The following UNC13C variants were observed in gnomAD, a reference collection of about 807,000 sequenced individuals.
The protein encoded by UNC13C is protein unc-13 homolog C.
Under a neutral mutation model 245.4 loss-of-function variants are expected in UNC13C, and 174 were observed. The observed-to-expected ratio is 0.71, with a 90% CI of 0.63 to 0.80. The LOEUF (loss-of-function observed/expected upper bound fraction) is 0.80. Among genes scored for constraint, UNC13C ranks in the 30% least tolerant of loss-of-function variants. The pLI is 0.00. For missense variants in UNC13C, 2,829 were observed against 2,602.9 expected, an observed-to-expected ratio of 1.09 and a Z score of -1.89; for synonymous variants, 992 against 895.1, an observed-to-expected ratio of 1.11 and a Z score of -1.93.
intron 2 of UNC13C, among the ~76,000 whole-genome samples, chr15:54,134,466 A>C (rs1004240627): frequency 1.3e-5 from 2 of 152,010 alleles, no homozygotes; most frequent in Non-Finnish European, 2.9e-5. Context: ...ACATATATAC[A>C]CATAACATTG....
intron 17 of UNC13C, among the ~76,000 whole-genome samples, chr15:54,371,757 G>C (rs2039492083): frequency 6.6e-6 from 1 of 151,622 alleles, no homozygotes; most frequent in Admixed American, 6.6e-5. Flanking sequence ...GAATACTATT[G>C]AGCCTTAAAA....
At chr15:53,960,593 T>C in the UNC13C span, among the ~76,000 whole-genome samples, 1 of 152,152 alleles carries the variant, frequency 6.6e-6, no homozygotes, top group African/African-American at 2.4e-5. Context: ...CAACACAAAG[T>C]AAGAATGTGA....
intron 28 of UNC13C, 125 bp downstream of exon 28, chr15:54,549,816 C>A: frequency 1.6e-6 from 1 of 616,488 alleles, no homozygotes; most frequent in Non-Finnish European, 2.8e-6. Context: ...TGTGATTTCA[C>A]AATCTGCTTT....
intron 4 of UNC13C, among the ~76,000 whole-genome samples, chr15:54,153,690 A>T (rs1343235829): frequency 8.5e-5 from 13 of 152,086 alleles, no homozygotes; most frequent in Admixed American, 8.5e-4. Flanking sequence ...TGGTCTGAAA[A>T]GATTTCTAAG....
At chr15:54,525,470 T>C (rs959650676) in intron 24 of UNC13C, 79 bp from the exon 25 acceptor site, 9 of 931,868 alleles carry the variant, frequency 9.7e-6, no homozygotes, top group African/African-American at 1.7e-5. Context: ...TACCATATAA[T>C]AATCAAAATG....
intron 1 of UNC13C, among the ~76,000 whole-genome samples, chr15:53,989,815 C>A (rs1353004102): frequency 6.6e-6 from 1 of 151,988 alleles, no homozygotes; most frequent in East Asian, 1.9e-4. Flanking sequence ...ACTCTGACAG[C>A]TGCTTTAAAA....
chr15:54,091,962 A>G (rs1168535417), intron 2 of UNC13C, among the ~76,000 whole-genome samples: 1 of 152,206 alleles, frequency 6.6e-6, no homozygotes, highest in Non-Finnish European at 1.5e-5. Flanking sequence ...ACATGAAAAC[A>G]GTTACTCACA....
chr15:53,928,205 C>T, the UNC13C span, among the ~76,000 whole-genome samples: 1 of 152,150 alleles, frequency 6.6e-6, no homozygotes, highest in Non-Finnish European at 1.5e-5. Flanking sequence ...GATATACCCA[C>T]ATATTTATTA....
intron 2 of UNC13C, among the ~76,000 whole-genome samples, chr15:54,082,735 G>A (rs959325124): frequency 4.6e-5 from 7 of 152,018 alleles, no homozygotes; most frequent in African/African-American, 1.7e-4. Context: ...CATTTTGATG[G>A]GACTGTTTTT....
chr15:54,487,188 C>T (rs1357738511), intron 19 of UNC13C, among the ~76,000 whole-genome samples: 3 of 152,040 alleles, frequency 2.0e-5, no homozygotes, highest in Admixed American at 1.3e-4. Flanking sequence ...TTTAATGAAC[C>T]CAGGGATCCT....
At chr15:54,569,996 T>C (rs1897681634) in intron 30 of UNC13C, among the ~76,000 whole-genome samples, 1 of 152,106 alleles carries the variant, frequency 6.6e-6, no homozygotes, top group African/African-American at 2.4e-5. Flanking sequence ...GAGCCTGATG[T>C]GCCACTTACT....
chr15:53,900,194 A>G, the UNC13C span, among the ~76,000 whole-genome samples: 2 of 139,952 alleles, frequency 1.4e-5, no homozygotes, highest in Non-Finnish European at 3.1e-5. Flanking sequence ...TTAATAAGGA[A>G]TTATAATTTT....
intron 4 of UNC13C, among the ~76,000 whole-genome samples, chr15:54,230,693 A>T (rs773217157): frequency 2.0e-5 from 3 of 152,062 alleles, no homozygotes; most frequent in Non-Finnish European, 4.4e-5. Context: ...GAAAGAACTG[A>T]GAAACAAAAG....
intron 5 of UNC13C, among the ~76,000 whole-genome samples, chr15:54,235,980 A>G (rs1019929293): frequency 6.6e-6 from 1 of 151,884 alleles, no homozygotes; most frequent in Non-Finnish European, 1.5e-5. Flanking sequence ...AGCCACCTTG[A>G]TAAATGCAAA....
the UNC13C span, among the ~76,000 whole-genome samples, chr15:53,839,199 T>G: frequency 6.6e-6 from 1 of 152,050 alleles, no homozygotes; most frequent in African/African-American, 2.4e-5. Flanking sequence ...ATGTTTACTA[T>G]TTTTTACTGT....
intron 4 of UNC13C, among the ~76,000 whole-genome samples, chr15:54,172,242 TAA>T (rs1337458080): frequency 6.6e-6 from 1 of 152,076 alleles, no homozygotes; most frequent in African/African-American, 2.4e-5. Context: ...TTAAAATAAT[TAA>T]AAGAGTATAA....
At chr15:54,186,844 T>C in intron 4 of UNC13C, among the ~76,000 whole-genome samples, 1 of 117,556 alleles carries the variant, frequency 8.5e-6, no homozygotes, top group East Asian at 2.5e-4. Flanking sequence ...ATAATATATA[T>C]GTATATATAT....
chr15:53,948,260 G>T, the UNC13C span: 2 of 152,144 alleles, frequency 1.3e-5, no homozygotes, highest in Admixed American at 6.6e-5. Context: ...GGTTCTTGTG[G>T]AGATTAAATA....
At chr15:54,243,843 ATTTG>A (rs2035923490) in intron 7 of UNC13C, among the ~76,000 whole-genome samples, 1 of 151,832 alleles carries the variant, frequency 6.6e-6, no homozygotes, top group Admixed American at 6.6e-5. Flanking sequence ...TTTCTTGTAA[ATTTG>A]TTTAAGTTCC....
Sources: allele counts gnomAD v4.1 joint callset (sites outside exome capture counted in the v4.1 genomes callset), GRCh38; gene constraint gnomAD v4.1.1; transcripts MANE v1.5; gene names NCBI Gene and HGNC (gene_info 2026-07-23, HGNC 2026-07-21).